VTCN1: variants seen among roughly 807,000 people sequenced by gnomAD.
VTCN1 encodes V-set domain-containing T-cell activation inhibitor 1.
A neutral mutation model predicts 26.5 loss-of-function variants in VTCN1; 26 were observed. The ratio of observed to expected loss-of-function variants is 0.98; its 90% CI spans 0.72 to 1.36. The LOEUF (loss-of-function observed/expected upper bound fraction) is 1.36. Among genes scored for constraint, VTCN1 ranks in the 40% most tolerant of loss-of-function variants. The probability of loss-of-function intolerance (pLI) is 0.00; values close to 1 mark genes in which losing one functional copy is unlikely to be tolerated. For synonymous variants in VTCN1, 116 were observed against 130.7 expected (o/e 0.89, Z 0.77); for missense variants, 298 against 337.7 (o/e 0.88, Z 0.92).
chr1:117,149,472 A>G (rs1437334798), intron 4 of VTCN1, among the ~76,000 whole-genome samples: 1 of 151,950 alleles, frequency 6.6e-6, no homozygotes, highest in African/African-American at 2.4e-5. Flanking sequence ...CCCCTGCTCC[A>G]GTTAATACTC....
intron 2 of VTCN1, among the ~76,000 whole-genome samples, chr1:117,166,467 C>T (rs931126508): frequency 6.6e-5 from 10 of 151,830 alleles, no homozygotes; most frequent in African/African-American, 2.2e-4. Context: ...ACAGTTAAGC[C>T]TTAGTGGCCT....
chr1:117,192,880 T>C (rs1325656030), intron 1 of VTCN1, among the ~76,000 whole-genome samples: 1 of 152,004 alleles, frequency 6.6e-6, no homozygotes, highest in African/African-American at 2.4e-5. Context: ...AGAAAACAAT[T>C]AACAAAATGA....
At chr1:117,168,011 A>T (rs2101510312) in intron 2 of VTCN1, among the ~76,000 whole-genome samples, 1 of 152,260 alleles carries the variant, frequency 6.6e-6, no homozygotes. Flanking sequence ...AGAGAAAAAA[A>T]ACCGAAATTA....
intron 3 of VTCN1, 61 bp from the exon 4 acceptor site, chr1:117,153,430 CT>C (rs1397733499): frequency 6.6e-7 from 1 of 1,515,338 alleles, no homozygotes; most frequent in Non-Finnish European, 8.9e-7. Context: ...ACAATATAGC[CT>C]TTGAAGCGCT....
intron 1 of VTCN1, among the ~76,000 whole-genome samples, chr1:117,174,660 G>C (rs549924425): frequency 8.5e-5 from 13 of 152,136 alleles, no homozygotes. Context: ...CCAGCTACTC[G>C]GGAGGCTGGG....
At position 117,153,379 on chromosome 1, in the gene VTCN1, C is replaced by T; in HGVS notation, c.446-10G>A. ...TCCGGCATGCTGAAGGCTGCAGGGT[C>T]AAAAGTCAGAAAGGGCAGATGCCAA... On this transcript the variant is annotated splice_polypyrimidine_tract_variant and intron_variant, in intron 3 of 5. Transcript: ENST00000369458. The T allele has an allele frequency of 6.3e-7, 1 of 1,592,258 alleles. No individual in the cohort carries two copies. The highest frequency in any genetic ancestry group is 8.6e-7 in the Non-Finnish European group (1 of 1,164,974).
chr1:117,171,599 G>A (rs879673647), intron 1 of VTCN1, among the ~76,000 whole-genome samples: 1 of 152,128 alleles, frequency 6.6e-6, no homozygotes, highest in African/African-American at 2.4e-5. Context: ...AATGACACCC[G>A]GGAAACTAAA....
intron 1 of VTCN1, among the ~76,000 whole-genome samples, chr1:117,192,992 C>A (rs1648320083): frequency 6.6e-6 from 1 of 152,044 alleles, no homozygotes. Flanking sequence ...AACAAAATAA[C>A]AACACAGCAA....
At chr1:117,180,463 C>T (rs1378573987) in intron 1 of VTCN1, among the ~76,000 whole-genome samples, 1 of 152,174 alleles carries the variant, frequency 6.6e-6, no homozygotes, top group Non-Finnish European at 1.5e-5. Flanking sequence ...GAGAAAAAAA[C>T]ATTTCCACAA....
intron 1 of VTCN1, among the ~76,000 whole-genome samples, chr1:117,176,976 G>A (rs1402026263): frequency 6.6e-6 from 1 of 152,114 alleles, no homozygotes; most frequent in Admixed American, 6.5e-5. Flanking sequence ...GTGTGCATGC[G>A]TAGTCCCAGC....
At chr1:117,168,645 A>G (rs1652737245) in intron 2 of VTCN1, among the ~76,000 whole-genome samples, 1 of 152,252 alleles carries the variant, frequency 6.6e-6, no homozygotes, top group Admixed American at 6.5e-5. Context: ...ATTTGGTGAT[A>G]CCTGTAACTA....
chr1:117,178,739 A>G (rs1647516757), intron 1 of VTCN1, among the ~76,000 whole-genome samples: 1 of 151,150 alleles, frequency 6.6e-6, no homozygotes, highest in South Asian at 2.1e-4. Context: ...GACTACATAC[A>G]TGTGCCACGA....
At chr1:117,170,029 T>G in intron 2 of VTCN1, 78 bp downstream of exon 2, 2 of 1,377,834 alleles carry the variant, frequency 1.5e-6, no homozygotes, top group South Asian at 1.2e-5. Flanking sequence ...CTGGGCTCTT[T>G]CCATGCTAAC....
chr1:117,157,092 G>T (rs555533442), intron 2 of VTCN1, 171 bp from the exon 3 acceptor site: 113 of 561,510 alleles, frequency 2.0e-4, no homozygotes, highest in African/African-American at 3.0e-4. Context: ...CAATCATTTT[G>T]ATATATATAT....
intron 1 of VTCN1, among the ~76,000 whole-genome samples, chr1:117,170,851 T>C (rs927192731): frequency 6.6e-6 from 1 of 152,220 alleles, no homozygotes; most frequent in African/African-American, 2.4e-5. Flanking sequence ...TTTTTTATTT[T>C]ATTTTACTTT....
intron 1 of VTCN1, among the ~76,000 whole-genome samples, chr1:117,174,542 G>T (rs997991392): frequency 6.6e-6 from 1 of 152,148 alleles, no homozygotes; most frequent in African/African-American, 2.4e-5. Context: ...CGAGGCGGGC[G>T]GATTACCTGA....
intron 1 of VTCN1, among the ~76,000 whole-genome samples, chr1:117,178,474 T>C (rs1041761719): frequency 6.6e-6 from 1 of 151,612 alleles, no homozygotes; most frequent in Non-Finnish European, 1.5e-5. Flanking sequence ...GCCAGTCTGG[T>C]CTCAAATTCC....
Position 117,167,939 on chromosome 1 carries a change from A to G in VTCN1, c.97+2168T>C, listed in dbSNP as rs1328852116. On this transcript the variant is annotated intron_variant, in intron 2 of 5. Coordinates refer to ENST00000369458, the MANE Select transcript of VTCN1 (RefSeq NM_024626.4). The surrounding 1 kb of genome is among the most constrained non-coding windows in gnomAD (Gnocchi z 4.1). ...ATAAATCTATTTTAGTATATGAGAG[A>G]GAGAGAAAGAGAGAGCAGAAGAAAG... Among the ~76,000 whole-genome samples the G allele has an allele frequency of 1.3e-5, 2 of 152,140 alleles. No individual in the cohort carries two copies. The highest frequency in any genetic ancestry group is 4.8e-5 in the African/African-American group (2 of 41,442).
chr1:117,158,902 C>T (rs1652227853), intron 2 of VTCN1, among the ~76,000 whole-genome samples: 1 of 152,172 alleles, frequency 6.6e-6, no homozygotes, highest in South Asian at 2.1e-4. Context: ...AGGGCAGGGG[C>T]AAAACATCAT....
Sources: allele counts gnomAD v4.1 joint callset (sites outside exome capture counted in the v4.1 genomes callset), GRCh38; gene constraint gnomAD v4.1.1; non-coding constraint Gnocchi (gnomAD v3.1); transcripts MANE v1.5; gene names NCBI Gene and HGNC (gene_info 2026-07-23, HGNC 2026-07-21).